Variants in ZNF263 observed in about 807,000 individuals in gnomAD.
ZNF263 encodes zinc finger protein 263, also known as zinc finger protein FPM315.
Under a neutral mutation model 63.1 loss-of-function variants are expected in ZNF263, and 49 were observed. That is an observed-to-expected ratio of 0.78 (90% confidence interval 0.62 to 0.99). The LOEUF (loss-of-function observed/expected upper bound fraction) is 0.99, where lower values mean the gene tolerates loss of function less well. Ranked by LOEUF, ZNF263 falls within the 50% of genes least tolerant of loss-of-function variation. The pLI, the probability that ZNF263 is intolerant of heterozygous loss-of-function variation, is 0.00. For missense variants in ZNF263, 872 were observed against 854.8 expected, an observed-to-expected ratio of 1.02 and a Z score of -0.25; for synonymous variants, 352 against 324.2, an observed-to-expected ratio of 1.09 and a Z score of -0.92.
At chr16:3,295,606 C>T (rs912022218), downstream of ZNF263, among the ~76,000 whole-genome samples, 2 of 152,264 alleles carry the variant, frequency 1.3e-5, no homozygotes, top group South Asian at 2.1e-4. Flanking sequence ...CGCGGGGCCG[C>T]CCTAGGGGCT....
chr16:3,295,251 C>T (rs1358050785), downstream of ZNF263, among the ~76,000 whole-genome samples: 1 of 152,198 alleles, frequency 6.6e-6, no homozygotes, highest in African/African-American at 2.4e-5. Flanking sequence ...GGCTCTGCCC[C>T]CAGAAGCGAA....
At chr16:3,300,125 T>G (rs888885678) in intron 2 of ZNF263, 1 of 1,614,098 alleles carries the variant, frequency 6.2e-7, no homozygotes, top group Admixed American at 1.7e-5. Flanking sequence ...TCCTCTTTGA[T>G]TATCATGGAC....
At chr16:3,284,954 G>A in intron 1 of ZNF263, 105 bp from the exon 2 acceptor site, 1 of 1,400,534 alleles carries the variant, frequency 7.1e-7, no homozygotes, top group Admixed American at 2.0e-5. Context: ...GGCCCAAAGG[G>A]ATCGCCTGAG....
Position 3,284,141 on chromosome 16 carries a change from G to C in ZNF263, c.323G>C (p.Ser108Thr). 1 of 1,603,564 alleles carries C rather than the reference G, an allele frequency of 6.2e-7. No homozygotes were observed. Residue 108 changes from serine to threonine, a missense_variant, in exon 1 of 6, where the codon AGC becomes ACC. Physicochemically the swap from Ser to Thr is moderately conservative, Grantham distance 58. Coordinates refer to ENST00000219069, the MANE Select transcript of ZNF263 (RefSeq NM_005741.5). ...QSRVQELHPE[S>T]GEEAVTLVED... ...AGGGTGCAGGAGCTGCATCCGGAGAGCGGCGAAGAAGCGGTGACCCTTGTG... is the reference window on the plus strand; with the variant it reads ...AGGGTGCAGGAGCTGCATCCGGAGACCGGCGAAGAAGCGGTGACCCTTGTG...
chr16:3,289,780 A>C lies in ZNF263; in HGVS notation c.1274A>C (p.His425Pro), dbSNP rs769807273. 5.6e-6 allele frequency: 9 copies of C among 1,614,236 alleles called. No individual in the cohort carries two copies. In the East Asian group the frequency reaches 1.8e-4, roughly 32 times the overall value. Residue 425 changes from histidine (H) to proline (P), a missense_variant, in exon 6 of 6, where the codon CAC becomes CCC. Coordinates refer to ENST00000219069, the MANE Select transcript of ZNF263 (RefSeq NM_005741.5). ...GGGAACCCACGTTTCCTGTCACTAC[A>C]CAGAGCACACCTGGGAGAGGAGGCC... ...FGGNPRFLSL[H>P]RAHLGEEAHK...
intron 2 of ZNF263, chr16:3,299,247 T>C (rs1420141130): frequency 4.3e-6 from 7 of 1,611,620 alleles, no homozygotes; most frequent in Non-Finnish European, 5.9e-6. Flanking sequence ...CCTTTGTTAT[T>C]CCACCTTTGG....
intron 5 of ZNF263, among the ~76,000 whole-genome samples, 157 bp downstream of exon 5, chr16:3,288,727 G>C (rs751295859): frequency 3.1e-4 from 47 of 152,056 alleles, no homozygotes; most frequent in Admixed American, 7.9e-4. Context: ...CTCACTGCAA[G>C]CTCCGCCTCC....
chr16:3,285,271 G>A (rs778246260), intron 2 of ZNF263, 32 bp downstream of exon 2: 51 of 1,589,078 alleles, frequency 3.2e-5, no homozygotes, highest in Non-Finnish European at 4.4e-5. Flanking sequence ...AGGTGGGAGG[G>A]AGGAGGGGCT....
intron 1 of ZNF263, among the ~76,000 whole-genome samples, chr16:3,284,445 G>A (rs889473261): frequency 6.6e-6 from 1 of 152,230 alleles, no homozygotes; most frequent in African/African-American, 2.4e-5. Context: ...TAGCCATGGA[G>A]TTAGATCGCC....
In ZNF263 at chr16:3,288,642, G is replaced by GGTTTT. The variant is rs779143719; in HGVS notation, c.886+89_886+93dup. On this transcript the variant is annotated intron_variant, in intron 5 of 5. Transcript: ENST00000219069. ...TGCAGTTAAGAGTGAGGCATTTTTT[G>GGTTTT]GTTTTGTTTTGTTTTGTTTTGAGAT... 2.3e-5 allele frequency: 29 copies of GGTTTT among 1,248,246 alleles called. 1 individual carries two copies. The highest frequency in any genetic ancestry group is 1.2e-4 in the African/African-American group (8 of 65,600). 77.3% of individuals were successfully genotyped at this position (1,248,246 alleles called of 1,614,324 possible).
chr16:3,296,355 C>G (rs1478638770), downstream of ZNF263, among the ~76,000 whole-genome samples: 4 of 152,156 alleles, frequency 2.6e-5, no homozygotes, highest in African/African-American at 7.2e-5. Flanking sequence ...CTAAAAGGAA[C>G]TAGAGAGCTG....
chr16:3,299,647 G>GATAA (rs771307416), intron 2 of ZNF263: 8 of 1,562,212 alleles, frequency 5.1e-6, no homozygotes, highest in Non-Finnish European at 6.9e-6. Context: ...CAAGGTTGAA[G>GATAA]TGTTATGGGG....
chr16:3,299,731 A>G (rs1425565231), intron 2 of ZNF263: 1 of 1,540,768 alleles, frequency 6.5e-7, no homozygotes. Flanking sequence ...GCAACTGTCC[A>G]GAAGTAACAA....
intron 1 of ZNF263, among the ~76,000 whole-genome samples, chr16:3,284,806 G>A (rs1959280021): frequency 6.6e-6 from 1 of 152,172 alleles, no homozygotes; most frequent in Admixed American, 6.5e-5. Flanking sequence ...GAAAAGGTGG[G>A]GAGAGCAAAA....
intron 4 of ZNF263, chr16:3,286,778 G>T (rs1355181106): frequency 1.3e-5 from 2 of 152,216 alleles, no homozygotes; most frequent in South Asian, 2.1e-4. Context: ...CTGACATATA[G>T]TTGGATTTAG....
intron 3 of ZNF263, 122 bp downstream of exon 3, chr16:3,285,876 C>G: frequency 6.5e-7 from 1 of 1,527,324 alleles, no homozygotes; most frequent in Admixed American, 1.7e-5. Context: ...ACTGCTTTGT[C>G]TATTTCACAC....
chr16:3,283,640 C>A lies in ZNF263; in HGVS notation c.-179C>A. On this transcript the variant is annotated 5_prime_UTR_variant, in exon 1 of 6. Transcript: ENST00000219069. Reference sequence around the variant, plus strand: ...GGGGCCGGCGTGGCGGCGCCTGGGACCGACTGAGGCCTAGGCGCCGGAGCC... The same window carrying A: ...GGGGCCGGCGTGGCGGCGCCTGGGAACGACTGAGGCCTAGGCGCCGGAGCC... 1 of 1,013,162 alleles carries A rather than the reference C, an allele frequency of 9.9e-7. No homozygotes were observed. Among genetic ancestry groups the A allele is most frequent in the Non-Finnish European group, 1.3e-6 (1 of 779,986 alleles). The allele number at this position is 1,013,162 out of a possible 1,614,324, so 62.8% of individuals were successfully genotyped here.
rs1026290320 is a variant in ZNF263 at position 3,290,752 on chromosome 16, A to G, written c.*194A>G. 9 of 1,397,400 alleles carry G rather than the reference A, an allele frequency of 6.4e-6. 1 individual carries two copies. The highest frequency in any genetic ancestry group is 2.9e-5 in the African/African-American group (2 of 69,116). The allele number at this position is 1,397,400 out of a possible 1,614,324, so 86.6% of individuals were successfully genotyped here. A position where few individuals can be genotyped will look rare whatever the true frequency, so the allele number is the denominator to read the frequency against. On this transcript the variant is annotated 3_prime_UTR_variant, in exon 6 of 6. Transcript: ENST00000219069. ...AAAAGGAGTTCTGTCTGCATGAGAA[A>G]GGATGGCAAGTCTCTGAGGTGACCT...
chr16:3,296,449 C>T (rs1959747878), downstream of ZNF263, among the ~76,000 whole-genome samples: 1 of 152,116 alleles, frequency 6.6e-6, no homozygotes, highest in African/African-American at 2.4e-5. Context: ...AGAGGCAAAA[C>T]ATCAAGCAAA....
Sources: gnomAD v4.1 joint callset for allele counts (sites outside exome capture counted in the v4.1 genomes callset) on GRCh38, gnomAD v4.1.1 for gene constraint, MANE v1.5 for transcripts, NCBI Gene and HGNC (gene_info 2026-07-23, HGNC 2026-07-21) for gene names.